Variants in CATSPERT observed in about 807,000 individuals in gnomAD.
The protein encoded by CATSPERT is catsper channel auxiliary subunit tau.
the CATSPERT span, among the ~76,000 whole-genome samples, chr2:201,519,794 T>C: frequency 1.3e-5 from 2 of 152,168 alleles, no homozygotes; most frequent in East Asian, 1.9e-4. Flanking sequence ...TCCTTTGAAA[T>C]AACACAGGCA....
chr2:201,506,268 A>AAAACAAACAAACAAAC, the CATSPERT span, among the ~76,000 whole-genome samples: 61 of 151,190 alleles, frequency 4.0e-4, no homozygotes, highest in African/African-American at 1.3e-3. Context: ...CTCCGTCTCA[A>AAAACAAACAAACAAAC]AAACAAACAA....
At chr2:201,554,602 C>T in the CATSPERT span, 1 of 152,124 alleles carries the variant, frequency 6.6e-6, no homozygotes, top group East Asian at 1.9e-4. Context: ...AAATTGATTA[C>T]TTCCCCTAAT....
chr2:201,596,907 GTTATT>G, the CATSPERT span, among the ~76,000 whole-genome samples: 2 of 152,174 alleles, frequency 1.3e-5, no homozygotes, highest in Non-Finnish European at 2.9e-5. Flanking sequence ...GTTTATGACA[GTTATT>G]TTAAAGTTCT....
the CATSPERT span, among the ~76,000 whole-genome samples, chr2:201,616,670 C>T: frequency 4.7e-4 from 72 of 152,294 alleles, no homozygotes; most frequent in African/African-American, 1.6e-3. Flanking sequence ...CCCTCTCTCA[C>T]CACTCCTATT....
chr2:201,582,221 A>G, the CATSPERT span: 1 of 1,581,232 alleles, frequency 6.3e-7, no homozygotes, highest in Non-Finnish European at 8.5e-7. Context: ...TGGGAACCTC[A>G]ATATCAAAAT....
the CATSPERT span, chr2:201,545,595 T>C: frequency 7.0e-7 from 1 of 1,435,428 alleles, no homozygotes; most frequent in Non-Finnish European, 9.2e-7. Context: ...TTTTCGTGTT[T>C]TCAGATGCCT....
chr2:201,599,155 T>C, the CATSPERT span, among the ~76,000 whole-genome samples: 18 of 152,042 alleles, frequency 1.2e-4, no homozygotes, highest in East Asian at 3.9e-4. Context: ...TCAGAGAATA[T>C]AACAAATTCT....
At chr2:201,612,742 C>G in the CATSPERT span, among the ~76,000 whole-genome samples, 1 of 152,098 alleles carries the variant, frequency 6.6e-6, no homozygotes, top group Admixed American at 6.5e-5. Flanking sequence ...GCCCACGGAG[C>G]AGGGTGGGGC....
chr2:201,609,790 C>A, the CATSPERT span, among the ~76,000 whole-genome samples: 1 of 151,954 alleles, frequency 6.6e-6, no homozygotes. Context: ...AGAAGAAAAG[C>A]AAGAATAAAC....
At chr2:201,513,099 A>T in the CATSPERT span, among the ~76,000 whole-genome samples, 1 of 151,386 alleles carries the variant, frequency 6.6e-6, no homozygotes, top group Non-Finnish European at 1.5e-5. Flanking sequence ...AAATAAAAAA[A>T]AAGAAAAATA....
chr2:201,560,079 T>C, the CATSPERT span, among the ~76,000 whole-genome samples: 2 of 151,986 alleles, frequency 1.3e-5, no homozygotes, highest in Admixed American at 6.6e-5. Context: ...TAAATAGATA[T>C]AAAAAGAACC....
chr2:201,564,779 G>A, the CATSPERT span, among the ~76,000 whole-genome samples: 1 of 152,126 alleles, frequency 6.6e-6, no homozygotes, highest in Non-Finnish European at 1.5e-5. Flanking sequence ...CCTTAATCTT[G>A]GATGTCCCAG....
At chr2:201,531,213 C>G in the CATSPERT span, among the ~76,000 whole-genome samples, 1 of 151,964 alleles carries the variant, frequency 6.6e-6, no homozygotes, top group African/African-American at 2.4e-5. Flanking sequence ...CCTGCCTCGG[C>G]CTCCCAGAGT....
At chr2:201,547,526 T>A in the CATSPERT span, 1 of 1,548,456 alleles carries the variant, frequency 6.5e-7, no homozygotes, top group Non-Finnish European at 8.8e-7. Context: ...TATGTTCCAA[T>A]TTTGGCATTA....
the CATSPERT span, among the ~76,000 whole-genome samples, chr2:201,532,761 G>C: frequency 6.6e-6 from 1 of 152,132 alleles, no homozygotes; most frequent in African/African-American, 2.4e-5. Flanking sequence ...TCAAGAAAAG[G>C]GTGGAACTAT....
At chr2:201,516,864 G>A in the CATSPERT span, among the ~76,000 whole-genome samples, 1 of 151,890 alleles carries the variant, frequency 6.6e-6, no homozygotes, top group Non-Finnish European at 1.5e-5. Context: ...TTCAGACTAG[G>A]TGCGTAGGGA....
chr2:201,595,477 C>T, the CATSPERT span, among the ~76,000 whole-genome samples: 1 of 152,094 alleles, frequency 6.6e-6, no homozygotes, highest in African/African-American at 2.4e-5. Flanking sequence ...CGTGAGCCAC[C>T]GCGCCCGGCC....
chr2:201,582,010 G>A, the CATSPERT span: 6 of 1,469,888 alleles, frequency 4.1e-6, no homozygotes, highest in Admixed American at 5.1e-5. Context: ...AACAAAAAAA[G>A]CCCATCAAGT....
At chr2:201,535,956 A>G in the CATSPERT span, 1 of 1,593,632 alleles carries the variant, frequency 6.3e-7, no homozygotes, top group East Asian at 2.2e-5. Context: ...TTGCCAGCTA[A>G]TTTCTGTTGG....
Sources: allele counts gnomAD v4.1 joint callset (sites outside exome capture counted in the v4.1 genomes callset), GRCh38; gene constraint gnomAD v4.1.1; transcripts MANE v1.5; gene names NCBI Gene and HGNC (gene_info 2026-07-23, HGNC 2026-07-21).